SH3D21: variants seen among roughly 807,000 people sequenced by gnomAD.
SH3D21 encodes SH3 domain-containing protein 21.
SH3D21 carries 83 observed loss-of-function variants against 82.1 expected under a neutral mutation model. The observed-to-expected ratio is 1.01, with a 90% CI of 0.85 to 1.21. The LOEUF is 1.21. Ranked by LOEUF, SH3D21 falls within the 50% of genes most tolerant of loss-of-function variation. The pLI, the probability that SH3D21 is intolerant of heterozygous loss-of-function variation, is 0.00. For synonymous variants in SH3D21, 383 were observed against 387.8 expected (o/e 0.99, Z 0.15); for missense variants, 980 against 962.1 (o/e 1.02, Z -0.25).
At chr1:36,321,444 G>A, downstream of SH3D21, 1 of 1,151,894 alleles carries the variant, frequency 8.7e-7, no homozygotes, top group Non-Finnish European at 1.1e-6. The surrounding 1 kb of genome is among the most constrained non-coding windows in gnomAD (Gnocchi z 6.1). Flanking sequence ...GAAATGGCGG[G>A]CAGGAGGGGC....
chr1:36,323,754 C>G (rs550904189), downstream of SH3D21: 5 of 152,184 alleles, frequency 3.3e-5, no homozygotes, highest in Admixed American at 3.3e-4. Context: ...GCCCGCGGGC[C>G]GTCCGTCCCC....
At chr1:36,324,310 G>A (rs555122469), downstream of SH3D21, 2 of 152,384 alleles carry the variant, frequency 1.3e-5, no homozygotes, top group South Asian at 4.1e-4. Flanking sequence ...AGCTTGTGGC[G>A]GCTTGTGGCA....
At position 36,306,848 on chromosome 1, in the gene SH3D21, C is replaced by G. The variant is rs1206591594; in HGVS notation, c.169C>G (p.Pro57Ala). The G allele has an allele frequency of 7.7e-7, 1 of 1,297,256 alleles. No homozygotes were observed. Among genetic ancestry groups the G allele is most frequent in the Non-Finnish European group, 1.0e-6 (1 of 991,286 alleles). 80.4% of individuals were successfully genotyped at this position (1,297,256 alleles called of 1,614,324 possible). A position where few individuals can be genotyped will look rare whatever the true frequency, so the allele number is the denominator to read the frequency against. ...LFPERLVQEI[P>A]ETLRGSGEAR... ...CCCGTGCCCTGATTCCCAGGAGATC[C>G]CAGAGACCCTGCGGGGCTCCGGAGA... The change falls in exon 3 of 16, where the codon CCA becomes GCA. Residue 57 changes from proline to alanine, a missense_variant. By Grantham distance (27) the Pro-to-Ala change is conservative. Transcript: ENST00000453908. The surrounding 1 kb of genome is among the most constrained non-coding windows in gnomAD (Gnocchi z 4.5).
At chr1:36,309,623 G>A (rs1241044110) in intron 10 of SH3D21, 33 bp downstream of exon 10, 1 of 1,550,852 alleles carries the variant, frequency 6.4e-7, no homozygotes, top group Admixed American at 2.0e-5. Context: ...ATTGGGGGGT[G>A]TTCTCTGGGA....
intron 10 of SH3D21, among the ~76,000 whole-genome samples, chr1:36,311,100 G>A (rs1375464532): frequency 6.6e-6 from 1 of 151,880 alleles, no homozygotes; most frequent in Non-Finnish European, 1.5e-5. Flanking sequence ...GTAGAAACGG[G>A]GTTTCACTGT....
Position 36,307,039 on chromosome 1 carries a change from C to G in SH3D21, c.227-128C>G. The G allele has an allele frequency of 6.8e-7, 1 of 1,462,294 alleles. No homozygotes were observed. Among genetic ancestry groups the G allele is most frequent in the Non-Finnish European group, 9.1e-7 (1 of 1,103,304 alleles). 90.6% of individuals were successfully genotyped at this position (1,462,294 alleles called of 1,614,324 possible). On this transcript the variant is annotated intron_variant, in intron 3 of 15. Transcript: ENST00000453908. The surrounding 1 kb of genome is among the most constrained non-coding windows in gnomAD (Gnocchi z 5.4). ...GCCGCCCTGCGGTCTGTGATTGGTT[C>G]TCGAGTGCAATGCTCCGCCCTGGGG...
downstream of SH3D21, chr1:36,322,697 G>T: frequency 6.5e-7 from 1 of 1,547,424 alleles, no homozygotes; most frequent in Middle Eastern, 2.0e-4. Context: ...CGCCCAGCAC[G>T]AAGTAGAGGC....
chr1:36,307,871 G>A lies in SH3D21; in HGVS notation c.492+46G>A, dbSNP rs1179812976. 3 of 1,551,594 alleles carry A rather than the reference G, an allele frequency of 1.9e-6. No individual in the cohort carries two copies. The highest frequency in any genetic ancestry group is 2.4e-5 in the East Asian group (1 of 40,934). ...CACAGAGGTGGTGAGTTCCTCTTGG[G>A]GTGGTTGGAGGCTCATCTAGTTCCT... is the stretch of plus-strand genomic sequence containing the variant. On this transcript the variant is annotated intron_variant, in intron 6 of 15. Transcript: ENST00000453908. The surrounding 1 kb of genome is among the most constrained non-coding windows in gnomAD (Gnocchi z 5.4).
chr1:36,307,596 G>A lies in SH3D21; in HGVS notation c.425G>A (p.Ser142Asn). The change falls in exon 5 of 16, where the codon AGT (serine) becomes AAT (asparagine). Residue 142 changes from serine to asparagine, a missense_variant. Physicochemically the swap from Ser to Asn is conservative, Grantham distance 46 (BLOSUM62 1). Transcript: ENST00000453908. The surrounding 1 kb of genome is among the most constrained non-coding windows in gnomAD (Gnocchi z 5.4). ...TCCAACTTTGTGGAATTGCTGGACA[G>A]TGGGCCCCCAAGTGAGACCTCGACT... ...FPSNFVELLD[S>N]GPPSLGNPDM... 1 of 1,551,632 alleles carries A rather than the reference G, an allele frequency of 6.4e-7. No homozygotes were observed.
At chr1:36,318,807 G>A (rs1458093622) in intron 10 of SH3D21, among the ~76,000 whole-genome samples, 1 of 151,812 alleles carries the variant, frequency 6.6e-6, no homozygotes, top group East Asian at 1.9e-4. Context: ...TATTCGGGAG[G>A]CTGAGGCAGA....
At position 36,319,774 on chromosome 1, in the gene SH3D21, G is replaced by T. The variant is rs369876264; in HGVS notation, c.1111G>T (p.Ala371Ser). Reference protein sequence around the residue: ...TPERPPAPENAPSSKKIPAPD... With the variant: ...TPERPPAPENSPSSKKIPAPD... The stretch of plus-strand genomic sequence containing the variant: ...AGAGAGGCCCCCAGCTCCAGAGAAC[G>T]CCCCCAGCTCCAAGAAGATCCCGGC... The change falls in exon 14 of 16, where the codon GCC (alanine) becomes TCC (serine). Residue 371 changes from alanine to serine, a missense_variant. Ala to Ser is a moderately conservative substitution (Grantham distance 99). Transcript: ENST00000453908. 3 of 1,611,724 alleles carry T rather than the reference G, an allele frequency of 1.9e-6. No individual in the cohort carries two copies. In the African/African-American group the frequency reaches 4.0e-5, roughly 22 times the overall value.
downstream of SH3D21, chr1:36,323,071 C>G: frequency 6.3e-7 from 1 of 1,591,474 alleles, no homozygotes. Flanking sequence ...TACCAGCCTG[C>G]GAGGTCAGCA....
intron 10 of SH3D21, among the ~76,000 whole-genome samples, chr1:36,316,780 T>G (rs63038162): frequency 1.6e-5 from 2 of 128,584 alleles, no homozygotes; most frequent in African/African-American, 5.9e-5. Flanking sequence ...TTTTTTTTTT[T>G]GGAGACTGAG....
downstream of SH3D21, chr1:36,322,733 G>T (rs929154659): frequency 2.3e-5 from 35 of 1,545,670 alleles, no homozygotes; most frequent in Non-Finnish European, 2.8e-5. Context: ...TGGCTGCGGG[G>T]CACAGGGCGG....
rs1447845188 is a variant in SH3D21 at position 36,307,507 on chromosome 1, C to T, written c.346-10C>T. 3.9e-6 allele frequency: 6 copies of T among 1,551,320 alleles called. No individual in the cohort carries two copies. The highest frequency in any genetic ancestry group is 5.2e-6 in the Non-Finnish European group (6 of 1,146,756). ...GAACCAGACGCCTCTGCGTCCTCCC[C>T]TCTCCCCAGATTGAGGACGGCTGGT... On this transcript the variant is annotated splice_polypyrimidine_tract_variant and intron_variant, in intron 4 of 15. Transcript: ENST00000453908. The surrounding 1 kb of genome is among the most constrained non-coding windows in gnomAD (Gnocchi z 5.4).
downstream of SH3D21, chr1:36,322,544 C>G (rs1362439713): frequency 1.3e-6 from 2 of 1,598,344 alleles, no homozygotes; most frequent in East Asian, 2.2e-5. Context: ...TCACCGTGTC[C>G]TCCTCGTCCT....
rs931614330 is a variant in SH3D21, at chr1:36,308,210, G to A, written c.639+1G>A. 1.3e-5 allele frequency: 20 copies of A among 1,536,260 alleles called. No homozygotes were observed. In the African/African-American group the frequency reaches 2.5e-4, roughly 19 times the overall value. ...GGACGTGGTAAAAGTACTCAGCAAG[G>A]TGTGAGACGAACAGGGTGGGGGGGC... On this transcript the variant is annotated splice_donor_variant, in intron 8 of 15. Coordinates refer to ENST00000453908, the MANE Select transcript of SH3D21 (RefSeq NM_001162530.2). LOFTEE classifies it high-confidence loss of function.
At position 36,319,851 on chromosome 1, in the gene SH3D21, C is replaced by T; in HGVS notation, c.1188C>T (p.Ala396=). ...AGACCCTCACTCTAGGGGACAAGGCCTCTATCCCAGGGAACTCCACCTCGG... is the reference window on the plus strand; with the variant it reads ...AGACCCTCACTCTAGGGGACAAGGCTTCTATCCCAGGGAACTCCACCTCGG... The part of the protein sequence containing the change: ...PEKTLTLGDK[A]SIPGNSTSGK... Residue 396 remains alanine (A), a synonymous_variant, in exon 14 of 16, where the codon GCC becomes GCT. Transcript: ENST00000453908. The T allele has an allele frequency of 6.2e-7, 1 of 1,613,770 alleles. No individual in the cohort carries two copies. Among genetic ancestry groups the T allele is most frequent in the Non-Finnish European group, 8.5e-7 (1 of 1,179,896 alleles).
chr1:36,311,518 G>A (rs535073053), intron 10 of SH3D21, among the ~76,000 whole-genome samples: 1 of 152,286 alleles, frequency 6.6e-6, no homozygotes, highest in East Asian at 1.9e-4. Context: ...GGGATTACAG[G>A]CATGAGCCAT....
Sources: gnomAD v4.1 joint callset for allele counts (sites outside exome capture counted in the v4.1 genomes callset) on GRCh38, gnomAD v4.1.1 for gene constraint, Gnocchi (gnomAD v3.1) non-coding constraint, MANE v1.5 for transcripts, NCBI Gene and HGNC (gene_info 2026-07-23, HGNC 2026-07-21) for gene names.